ATP10B: variants seen among roughly 807,000 people sequenced by gnomAD.
ATP10B encodes the protein phospholipid-transporting ATPase VB.
In ATP10B, 122 loss-of-function variants were observed where a neutral mutation model predicts 141.2. The observed-to-expected ratio is 0.86, with a 90% CI of 0.75 to 1.00. The LOEUF (loss-of-function observed/expected upper bound fraction) is 1.00, where lower values mean the gene tolerates loss of function less well. Among genes scored for constraint, ATP10B ranks in the 50% least tolerant of loss-of-function variants. ATP10B has a pLI of 0.00. For synonymous variants in ATP10B, 685 were observed against 692.0 expected, an observed-to-expected ratio of 0.99 and a Z score of 0.16; for missense variants, 1,876 against 1,825.3, an observed-to-expected ratio of 1.03 and a Z score of -0.51.
chr5:160,743,875 C>T (rs899095544), intron 2 of ATP10B, among the ~76,000 whole-genome samples: 9 of 151,956 alleles, frequency 5.9e-5, no homozygotes, highest in Non-Finnish European at 8.8e-5. Context: ...AGGGAGAGCA[C>T]GCTAGTGGCC....
intron 3 of ATP10B, among the ~76,000 whole-genome samples, chr5:160,691,395 A>T (rs897857451): frequency 6.6e-6 from 1 of 152,110 alleles, no homozygotes; most frequent in Non-Finnish European, 1.5e-5. Flanking sequence ...AGGAGTTTCC[A>T]GTTTCTGAAC....
At chr5:160,671,313 G>T (rs1762693461) in intron 6 of ATP10B, among the ~76,000 whole-genome samples, 1 of 152,052 alleles carries the variant, frequency 6.6e-6, no homozygotes, top group Non-Finnish European at 1.5e-5. Context: ...AAAGGAGAAG[G>T]TAACTGTATT....
chr5:160,742,855 G>A (rs1000515284), intron 2 of ATP10B, among the ~76,000 whole-genome samples: 3 of 152,094 alleles, frequency 2.0e-5, no homozygotes, highest in South Asian at 4.2e-4. Context: ...AAGGTATGAT[G>A]AAATAAGTTT....
intron 25 of ATP10B, among the ~76,000 whole-genome samples, chr5:160,568,063 A>G (rs1234127026): frequency 6.6e-6 from 1 of 152,180 alleles, no homozygotes. Flanking sequence ...CCAAGTGGGT[A>G]GCATTTGCTG....
the ATP10B span, among the ~76,000 whole-genome samples, chr5:160,871,296 G>C: frequency 6.6e-6 from 1 of 152,058 alleles, no homozygotes; most frequent in Admixed American, 6.5e-5. Context: ...AGGAACAGAA[G>C]GGAGGGAATT....
chr5:160,799,107 G>C (rs1040745886), intron 1 of ATP10B, among the ~76,000 whole-genome samples: 1 of 141,820 alleles, frequency 7.1e-6, no homozygotes, highest in African/African-American at 2.6e-5. Flanking sequence ...GTGATAGGCT[G>C]TATCAAAAGC....
chr5:160,802,377 T>C (rs1023138981), intron 1 of ATP10B, among the ~76,000 whole-genome samples: 3 of 152,206 alleles, frequency 2.0e-5, no homozygotes, highest in Admixed American at 2.0e-4. Context: ...AGCCAACCTA[T>C]ATCAGTGGTT....
the ATP10B span, among the ~76,000 whole-genome samples, chr5:160,858,062 A>T: frequency 6.6e-6 from 1 of 151,848 alleles, no homozygotes; most frequent in African/African-American, 2.4e-5. Context: ...TTTATTTTTT[A>T]AAAATCAATT....
intron 2 of ATP10B, among the ~76,000 whole-genome samples, chr5:160,734,387 C>T (rs748012803): frequency 1.6e-4 from 24 of 152,024 alleles, no homozygotes; most frequent in Non-Finnish European, 2.5e-4. Context: ...CTATTTAAAA[C>T]ATTACCTTCT....
intron 24 of ATP10B, 133 bp downstream of exon 24, chr5:160,589,459 A>T: frequency 1.4e-6 from 1 of 703,418 alleles, no homozygotes; most frequent in South Asian, 1.7e-5. Flanking sequence ...CTGTACAGGT[A>T]GGACATAGGG....
the ATP10B span, among the ~76,000 whole-genome samples, chr5:160,915,835 C>G: frequency 6.6e-6 from 1 of 152,182 alleles, no homozygotes; most frequent in African/African-American, 2.4e-5. Flanking sequence ...TCTCACACAC[C>G]TTTGCACACA....
the ATP10B span, among the ~76,000 whole-genome samples, chr5:160,896,464 G>A: frequency 6.6e-6 from 1 of 152,024 alleles, no homozygotes; most frequent in Non-Finnish European, 1.5e-5. Flanking sequence ...TAAATTCCTG[G>A]ACATATACAC....
intron 2 of ATP10B, among the ~76,000 whole-genome samples, chr5:160,780,937 G>A (rs1770675526): frequency 1.3e-5 from 2 of 152,168 alleles, no homozygotes; most frequent in African/African-American, 2.4e-5. Context: ...TGGAGGGGAA[G>A]TTGCCATGAA....
At chr5:160,756,644 T>C (rs1768630448) in intron 2 of ATP10B, among the ~76,000 whole-genome samples, 1 of 152,152 alleles carries the variant, frequency 6.6e-6, no homozygotes, top group Non-Finnish European at 1.5e-5. Context: ...TTCATGTGTT[T>C]ATTTGCCATC....
At chr5:160,625,851 C>T (rs951333219) in intron 13 of ATP10B, among the ~76,000 whole-genome samples, 1 of 152,228 alleles carries the variant, frequency 6.6e-6, no homozygotes, top group African/African-American at 2.4e-5. Flanking sequence ...TAGCTCACCA[C>T]TGATTAACTC....
intron 22 of ATP10B, among the ~76,000 whole-genome samples, chr5:160,596,857 A>G (rs1295061063): frequency 6.6e-6 from 1 of 152,218 alleles, no homozygotes; most frequent in Non-Finnish European, 1.5e-5. Context: ...GACCTCTTCA[A>G]AGAGAACTAC....
In ATP10B at chr5:160,763,139, C is replaced by T. The variant is rs973422877; in HGVS notation, c.-331+22420G>A. ...GTAGAGGACTTCGGTACTCGACTGA[C>T]AGCACTAGACGGGACATCAAGACAA... On this transcript the variant is annotated intron_variant, in intron 2 of 25. Transcript: ENST00000327245. 2.1e-4 allele frequency among the ~76,000 whole-genome samples: 32 copies of T among 152,222 alleles called. 1 individual carries two copies. The highest frequency in any genetic ancestry group is 7.2e-4 in the African/African-American group (30 of 41,548).
At chr5:160,925,465 CA>C in the ATP10B span, among the ~76,000 whole-genome samples, 2 of 152,216 alleles carry the variant, frequency 1.3e-5, no homozygotes, top group Non-Finnish European at 2.9e-5. Flanking sequence ...TGCCCAAGGT[CA>C]CACAGCTAGC....
chr5:160,597,406 A>T (rs923278783), intron 22 of ATP10B, among the ~76,000 whole-genome samples: 10 of 152,200 alleles, frequency 6.6e-5, no homozygotes, highest in Non-Finnish European at 1.2e-4. Flanking sequence ...AAGATGGATT[A>T]AAGACTTAAA....
Sources: gnomAD v4.1 joint callset for allele counts (sites outside exome capture counted in the v4.1 genomes callset) on GRCh38, gnomAD v4.1.1 for gene constraint, MANE v1.5 for transcripts, NCBI Gene and HGNC (gene_info 2026-07-23, HGNC 2026-07-21) for gene names.